SPAG1: variants seen among roughly 807,000 people sequenced by gnomAD.
SPAG1 encodes the protein sperm-associated antigen 1.
In SPAG1, 69 loss-of-function variants were observed where a neutral mutation model predicts 100.5. The observed-to-expected ratio is 0.69, with a 90% confidence interval of 0.57 to 0.84. SPAG1 has a LOEUF of 0.84. Ranked by LOEUF, SPAG1 falls within the 40% of genes least tolerant of loss-of-function variation. The pLI is 0.00. For missense variants in SPAG1, 955 were observed against 1,133.1 expected (o/e 0.84, Z 2.26); for synonymous variants, 336 against 411.6 (o/e 0.82, Z 2.22).
intron 3 of SPAG1, among the ~76,000 whole-genome samples, chr8:100,169,263 G>A (rs1227217600): frequency 6.6e-6 from 1 of 152,078 alleles, no homozygotes; most frequent in Non-Finnish European, 1.5e-5. Context: ...TCAAAAATCA[G>A]TTGACCAAAG....
intron 8 of SPAG1, among the ~76,000 whole-genome samples, chr8:100,187,796 T>TAAG (rs1816649274): frequency 6.6e-6 from 1 of 152,202 alleles, no homozygotes; most frequent in Non-Finnish European, 1.5e-5. Context: ...TCTAGAACCT[T>TAAG]CTCCCAGCTT....
intron 15 of SPAG1, chr8:100,233,145 T>G: frequency 2.8e-6 from 1 of 355,992 alleles, no homozygotes; most frequent in East Asian, 7.4e-5. Context: ...GCTCCCAGAG[T>G]ACTTTGCACA....
At chr8:100,196,740 G>A (rs758046852) in intron 10 of SPAG1, among the ~76,000 whole-genome samples, 11 of 151,668 alleles carry the variant, frequency 7.3e-5, no homozygotes, top group Non-Finnish European at 1.5e-4. Flanking sequence ...ATGTTATATC[G>A]ATGAACACTT....
upstream of SPAG1, chr8:100,158,094 C>T (rs1815137118): frequency 6.6e-6 from 1 of 152,410 alleles, no homozygotes; most frequent in Non-Finnish European, 1.5e-5. Flanking sequence ...GCCGCGACTT[C>T]CCCGACGCGG....
chr8:100,221,383 C>T (rs192640158), intron 13 of SPAG1, among the ~76,000 whole-genome samples: 158 of 152,260 alleles, frequency 1.0e-3, no homozygotes, highest in African/African-American at 3.5e-3. Context: ...TTACCCCCAG[C>T]GTGAGAATGG....
chr8:100,189,083 G>C (rs1040229338), intron 8 of SPAG1, among the ~76,000 whole-genome samples: 1 of 151,882 alleles, frequency 6.6e-6, no homozygotes, highest in African/African-American at 2.4e-5. Flanking sequence ...TGTAATCCCA[G>C]CACTTTGGGA....
chr8:100,240,314 T>C (rs1819200899), intron 17 of SPAG1, 89 bp from the exon 18 acceptor site: 2 of 1,304,534 alleles, frequency 1.5e-6, no homozygotes, highest in Non-Finnish European at 2.1e-6. Flanking sequence ...CTACTTGTAG[T>C]TTTCAATTCT....
At chr8:100,229,309 A>G (rs1160306738) in intron 14 of SPAG1, among the ~76,000 whole-genome samples, 3 of 152,190 alleles carry the variant, frequency 2.0e-5, no homozygotes, top group Non-Finnish European at 1.5e-5. Flanking sequence ...AGTCCCAGCT[A>G]CATGGGAGGC....
rs760407685 is a variant in SPAG1 at position 100,177,962 on chromosome 8, T to C, written c.426+21T>C. 5.0e-6 allele frequency: 8 copies of C among 1,604,138 alleles called. No homozygotes were observed. In the South Asian group the frequency reaches 8.9e-5, roughly 18 times the overall value. On this transcript the variant is annotated intron_variant, in intron 4 of 18. Coordinates refer to ENST00000388798, the MANE Select transcript of SPAG1 (RefSeq NM_003114.5). Reference sequence around the variant, plus strand: ...GCAAGGTAGGCTTCTTTGATATCTTTGTGGGTGGTAGCAGGAGAGGATTGC... The same window carrying C: ...GCAAGGTAGGCTTCTTTGATATCTTCGTGGGTGGTAGCAGGAGAGGATTGC...
Position 100,162,432 on chromosome 8 carries a change from A to G in SPAG1, c.140+12A>G. On this transcript the variant is annotated intron_variant, in intron 2 of 18. Coordinates refer to ENST00000388798, the MANE Select transcript of SPAG1 (RefSeq NM_003114.5). ...CTTTGCGTGCTCAGGTAAGCATTTT[A>G]AAATCATTACATGTTTTAGTATGAC... is the stretch of plus-strand genomic sequence containing the variant. 1.9e-6 allele frequency: 3 copies of G among 1,558,644 alleles called. No individual in the cohort carries two copies. The highest frequency in any genetic ancestry group is 2.6e-6 in the Non-Finnish European group (3 of 1,155,748).
At chr8:100,217,465 TG>T (rs60804548) in intron 12 of SPAG1, among the ~76,000 whole-genome samples, 3 of 151,976 alleles carry the variant, frequency 2.0e-5, no homozygotes, top group South Asian at 2.1e-4. Flanking sequence ...GAGTTGGGGT[TG>T]GGGGGGTGTT....
At chr8:100,160,557 G>A (rs373458236) in intron 1 of SPAG1, among the ~76,000 whole-genome samples, 15 of 150,628 alleles carry the variant, frequency 1.0e-4, no homozygotes, top group African/African-American at 3.4e-4. Flanking sequence ...AACCCAGGAG[G>A]AGGAGGTGGC....
intron 1 of SPAG1, among the ~76,000 whole-genome samples, chr8:100,159,935 G>A (rs989308363): frequency 1.3e-5 from 2 of 152,040 alleles, no homozygotes; most frequent in Non-Finnish European, 2.9e-5. Flanking sequence ...TATGAGAGAG[G>A]TTTTGAAGAT....
intron 3 of SPAG1, among the ~76,000 whole-genome samples, chr8:100,168,145 A>G (rs1385207851): frequency 6.6e-6 from 1 of 152,224 alleles, no homozygotes; most frequent in Non-Finnish European, 1.5e-5. Context: ...AATGTTTTCC[A>G]AAGTGGCTGT....
In SPAG1 at chr8:100,187,708, C is replaced by CA. The variant is rs1302017161; in HGVS notation, c.832+466dup. Among the ~76,000 whole-genome samples, 7 of 151,150 alleles carry CA rather than the reference C, an allele frequency of 4.6e-5. No individual in the cohort carries two copies. In the South Asian group the frequency reaches 8.3e-4, roughly 18 times the overall value. ...CTTGCATTTGAACATTCTTTTTCTC[C>CA]AAAAAAAATTAAGTATAACTTAATA... On this transcript the variant is annotated intron_variant, in intron 8 of 18. Transcript: ENST00000388798.
At chr8:100,211,719 T>A (rs954672587) in intron 10 of SPAG1, among the ~76,000 whole-genome samples, 2 of 152,260 alleles carry the variant, frequency 1.3e-5, no homozygotes, top group African/African-American at 4.8e-5. Context: ...CTTCTAGCTC[T>A]GTGTACTAGA....
Position 100,183,416 on chromosome 8 carries a change from G to A in SPAG1, c.468G>A (p.Arg156=). 6.7e-7 allele frequency: 1 copy of A among 1,497,048 alleles called. No individual in the cohort carries two copies. Among genetic ancestry groups the A allele is most frequent in the African/African-American group, 1.4e-5 (1 of 71,616 alleles). 92.7% of individuals were successfully genotyped at this position (1,497,048 alleles called of 1,614,324 possible). ...GACCAACTAAAAAGAAAACTCCAAG[G>A]GATTACGCGGAATGGGATAAGTATG... is the stretch of plus-strand genomic sequence containing the variant. The part of the protein sequence containing the change: ...SKRPTKKKTP[R]DYAEWDKFDV... The change falls in exon 5 of 19, where the codon AGG becomes AGA. Residue 156 remains arginine, a synonymous_variant. Transcript: ENST00000388798.
chr8:100,206,346 C>A (rs1052676270), intron 10 of SPAG1, among the ~76,000 whole-genome samples: 14 of 152,236 alleles, frequency 9.2e-5, no homozygotes, highest in African/African-American at 3.4e-4. Context: ...TACCAATATA[C>A]CTTTACTGTC....
intron 8 of SPAG1, among the ~76,000 whole-genome samples, chr8:100,189,212 A>G (rs922221107): frequency 9.3e-5 from 14 of 150,908 alleles, no homozygotes; most frequent in African/African-American, 3.2e-4. Context: ...GCAGTGGCTC[A>G]TGCTTGTAAT....
Sources: allele counts gnomAD v4.1 joint callset (sites outside exome capture counted in the v4.1 genomes callset), GRCh38; gene constraint gnomAD v4.1.1; transcripts MANE v1.5; gene names NCBI Gene and HGNC (gene_info 2026-07-23, HGNC 2026-07-21).